Variants in NTNG1 observed in about 807,000 individuals in gnomAD.
NTNG1 encodes the protein netrin-G1.
A neutral mutation model predicts 54.0 loss-of-function variants in NTNG1; 16 were observed. That is an observed-to-expected ratio of 0.30 (90% CI 0.20 to 0.45). NTNG1 has a LOEUF of 0.45. NTNG1 is among the 20% of genes least tolerant of loss of function. NTNG1 has a pLI of 1.00. For synonymous variants in NTNG1, 255 were observed against 263.1 expected (o/e 0.97, Z 0.30); for missense variants, 530 against 678.7 (o/e 0.78, Z 2.43).
At chr1:107,427,566 G>C (rs1356686192) in intron 5 of NTNG1, among the ~76,000 whole-genome samples, 2 of 151,900 alleles carry the variant, frequency 1.3e-5, no homozygotes, top group East Asian at 3.9e-4. Flanking sequence ...CATTTATATA[G>C]TACTCTCATG....
At chr1:107,229,193 TG>T (rs1180945500) in intron 2 of NTNG1, among the ~76,000 whole-genome samples, 1 of 151,846 alleles carries the variant, frequency 6.6e-6, no homozygotes, top group Non-Finnish European at 1.5e-5. Flanking sequence ...GCTCTTCGGA[TG>T]GCAGCCCCAC....
At position 107,484,519 on chromosome 1, in the gene NTNG1, G is replaced by T. The variant is rs34891241; in HGVS notation, c.*3679G>T. On this transcript the variant is annotated 3_prime_UTR_variant, in exon 8 of 8. Transcript: ENST00000370068. ...CAAGATCCTGCAGACATTTGGGGTC[G>T]ATCTGCCTGAGGTGCCCTTGAGTCA... is the stretch of plus-strand genomic sequence containing the variant. Among the ~76,000 whole-genome samples the T allele has an allele frequency of 2.0e-5, 3 of 152,068 alleles. No individual in the cohort carries two copies. The highest frequency in any genetic ancestry group is 7.2e-5 in the African/African-American group (3 of 41,412).
At chr1:107,286,792 T>G (rs761211001) in intron 2 of NTNG1, among the ~76,000 whole-genome samples, 2 of 152,214 alleles carry the variant, frequency 1.3e-5, no homozygotes, top group African/African-American at 2.4e-5. Context: ...AATTCCTGGT[T>G]GTTGGTGTGA....
chr1:107,341,458 G>A (rs1668891630), intron 3 of NTNG1, among the ~76,000 whole-genome samples: 1 of 152,102 alleles, frequency 6.6e-6, no homozygotes, highest in African/African-American at 2.4e-5. Flanking sequence ...AAAGGGGGAA[G>A]AGCAAGCTTA....
chr1:107,217,724 C>A (rs188129109), intron 2 of NTNG1, among the ~76,000 whole-genome samples: 1 of 152,080 alleles, frequency 6.6e-6, no homozygotes, highest in African/African-American at 2.4e-5. Context: ...CATTCAGGAG[C>A]GGGTTATTTA....
At chr1:107,415,526 T>C (rs1217343118) in intron 5 of NTNG1, among the ~76,000 whole-genome samples, 1 of 152,008 alleles carries the variant, frequency 6.6e-6, no homozygotes, top group African/African-American at 2.4e-5. Context: ...TCCGGAGAAA[T>C]TAACAGCCAG....
chr1:107,296,733 A>G (rs1265466405), intron 2 of NTNG1, among the ~76,000 whole-genome samples: 1 of 148,144 alleles, frequency 6.8e-6, no homozygotes, highest in Non-Finnish European at 1.5e-5. Context: ...GTTATATATA[A>G]TATTCCAATT....
chr1:107,161,603 G>A (rs1053015666), intron 2 of NTNG1, among the ~76,000 whole-genome samples: 2 of 151,690 alleles, frequency 1.3e-5, no homozygotes, highest in African/African-American at 4.9e-5. Context: ...AGTGGTTGCA[G>A]TGAGTTGAGA....
chr1:107,394,727 T>C (rs1297352754), intron 3 of NTNG1, among the ~76,000 whole-genome samples: 1 of 152,198 alleles, frequency 6.6e-6, no homozygotes, highest in Non-Finnish European at 1.5e-5. Flanking sequence ...AGAATTGTCT[T>C]AACGATTTAA....
At chr1:107,191,908 C>G (rs1216969915) in intron 2 of NTNG1, among the ~76,000 whole-genome samples, 1 of 151,862 alleles carries the variant, frequency 6.6e-6, no homozygotes, top group Non-Finnish European at 1.5e-5. Context: ...CTTGGCGATG[C>G]GGGCTCTATT....
At chr1:107,366,178 T>C (rs1462918295) in intron 3 of NTNG1, among the ~76,000 whole-genome samples, 1 of 152,106 alleles carries the variant, frequency 6.6e-6, no homozygotes, top group African/African-American at 2.4e-5. Flanking sequence ...ACTCAGAAGG[T>C]AATTTAATCT....
intron 2 of NTNG1, among the ~76,000 whole-genome samples, chr1:107,165,787 C>G (rs557082488): frequency 2.5e-4 from 38 of 152,288 alleles, no homozygotes; most frequent in African/African-American, 8.9e-4. Flanking sequence ...TTTCCAGTGA[C>G]TTTGCCATTA....
At chr1:107,474,959 CAG>C (rs1266075355) in intron 7 of NTNG1, among the ~76,000 whole-genome samples, 1 of 152,178 alleles carries the variant, frequency 6.6e-6, no homozygotes, top group Non-Finnish European at 1.5e-5. Context: ...GAGGAAATGA[CAG>C]TGTAAATGCA....
At chr1:107,423,738 T>G (rs540266500) in intron 5 of NTNG1, among the ~76,000 whole-genome samples, 146 of 152,246 alleles carry the variant, frequency 9.6e-4, no homozygotes, top group African/African-American at 3.3e-3. Flanking sequence ...GATCTGTTAA[T>G]AGACATGTAG....
Position 107,336,859 on chromosome 1 carries a change from C to G in NTNG1, c.887+11937C>G, listed in dbSNP as rs142800627. Among the ~76,000 whole-genome samples the G allele has an allele frequency of 6.1e-3, 920 of 152,002 alleles. 2 individuals are homozygous for G. The highest frequency in any genetic ancestry group is 9.6e-3 in the Admixed American group (146 of 15,230). ...AAGATATATAAAAATGGTCAATAAA[C>G]ATAGGCAAAGATGCTCAAGATCATT... is the stretch of plus-strand genomic sequence containing the variant. On this transcript the variant is annotated intron_variant, in intron 3 of 7. Coordinates refer to ENST00000370068, the MANE Select transcript of NTNG1 (RefSeq NM_001113226.3).
At chr1:107,303,875 C>T (rs1301498354) in intron 2 of NTNG1, among the ~76,000 whole-genome samples, 4 of 152,068 alleles carry the variant, frequency 2.6e-5, no homozygotes, top group African/African-American at 7.2e-5. Context: ...ATAGTACAAA[C>T]GGGGTTTCAC....
chr1:107,430,017 T>G (rs541058771), intron 5 of NTNG1, among the ~76,000 whole-genome samples: 87 of 152,214 alleles, frequency 5.7e-4, no homozygotes, highest in Non-Finnish European at 1.0e-3. Context: ...GCTACCTAAT[T>G]CTTCTTTTGT....
intron 7 of NTNG1, among the ~76,000 whole-genome samples, chr1:107,448,495 G>A (rs942903633): frequency 3.9e-5 from 6 of 152,066 alleles, no homozygotes; most frequent in African/African-American, 1.4e-4. Context: ...TGTTGGAAAT[G>A]CAGAATCATA....
intron 3 of NTNG1, among the ~76,000 whole-genome samples, chr1:107,357,009 A>G (rs1331691670): frequency 6.6e-6 from 1 of 152,148 alleles, no homozygotes; most frequent in Non-Finnish European, 1.5e-5. Flanking sequence ...TCTCAAAAAT[A>G]AAAGACCAAT....
Sources: gnomAD v4.1 joint callset for allele counts (sites outside exome capture counted in the v4.1 genomes callset) on GRCh38, gnomAD v4.1.1 for gene constraint, MANE v1.5 for transcripts, NCBI Gene and HGNC (gene_info 2026-07-23, HGNC 2026-07-21) for gene names.